The following ABCA9 variants were observed in gnomAD, a reference collection of about 807,000 sequenced individuals.
The protein encoded by ABCA9 is ATP-binding cassette sub-family A member 9.
ABCA9 carries 183 observed loss-of-function variants against 205.3 expected under a neutral mutation model. The ratio of observed to expected loss-of-function variants is 0.89; its 90% CI spans 0.79 to 1.01. The LOEUF is 1.01. Ranked by LOEUF, ABCA9 falls within the 50% of genes least tolerant of loss-of-function variation. The probability of loss-of-function intolerance (pLI) is 0.00; values close to 1 mark genes in which losing one functional copy is unlikely to be tolerated. For missense variants in ABCA9, 1,805 were observed against 1,912.4 expected, an observed-to-expected ratio of 0.94 and a Z score of 1.05; for synonymous variants, 651 against 683.3, an observed-to-expected ratio of 0.95 and a Z score of 0.74.
chr17:69,010,465 G>A (rs2070330940), intron 23 of ABCA9, among the ~76,000 whole-genome samples: 1 of 152,018 alleles, frequency 6.6e-6, no homozygotes, highest in Non-Finnish European at 1.5e-5. Context: ...GAGGAGGAGA[G>A]TACAAGGAGG....
In ABCA9 at chr17:68,975,886, T is replaced by C; in HGVS notation, c.*29A>G. 6.6e-7 allele frequency: 1 copy of C among 1,523,558 alleles called. No individual in the cohort carries two copies. The highest frequency in any genetic ancestry group is 9.1e-7 in the Non-Finnish European group (1 of 1,104,540). The allele number at this position is 1,523,558 out of a possible 1,614,324, so 94.4% of individuals were successfully genotyped here. ...TATTATCTTTAAAAGAGTCACAGGA[T>C]TAAAGAAAGATATAGGGTATTTGGA... On this transcript the variant is annotated 3_prime_UTR_variant, in exon 39 of 39. Coordinates refer to ENST00000340001, the MANE Select transcript of ABCA9 (RefSeq NM_080283.4).
intron 6 of ABCA9, among the ~76,000 whole-genome samples, chr17:69,039,435 G>A (rs892939429): frequency 1.3e-5 from 2 of 152,170 alleles, no homozygotes; most frequent in East Asian, 3.9e-4. Context: ...TGACAAACGT[G>A]ACAATAACAA....
chr17:69,017,655 C>A lies in ABCA9; in HGVS notation c.2901+1G>T. On this transcript the variant is annotated splice_donor_variant, in intron 21 of 38. Transcript: ENST00000340001. LOFTEE classifies it high-confidence loss of function. The stretch of plus-strand genomic sequence containing the variant: ...AATGCAGCAACTGGAGTCCAGCATA[C>A]CTTTTCATCACCTGACACAATGATA... 1 of 1,612,726 alleles carries A rather than the reference C, an allele frequency of 6.2e-7. No homozygotes were observed. The highest frequency in any genetic ancestry group is 1.1e-5 in the South Asian group (1 of 90,950).
At chr17:69,061,066 C>T (rs960595274), upstream of ABCA9, 2 of 985,304 alleles carry the variant, frequency 2.0e-6, no homozygotes, top group African/African-American at 1.7e-5. Flanking sequence ...ATATCTTCTG[C>T]TCACGTGGTG....
the ABCA9 span, among the ~76,000 whole-genome samples, chr17:69,068,315 GTTACT>G: frequency 6.6e-6 from 1 of 152,132 alleles, no homozygotes; most frequent in East Asian, 1.9e-4. Context: ...TATCAAGCCA[GTTACT>G]TTTCAATTTA....
Position 68,992,194 on chromosome 17 carries a change from T to C in ABCA9, c.3697A>G (p.Arg1233Gly). Residue 1233 changes from arginine to glycine, a missense_variant, in exon 28 of 39, where the codon AGA (arginine) becomes GGA (glycine). By Grantham distance (125) the Arg-to-Gly change is moderately radical. Transcript: ENST00000340001. ...LEMNCRKKLM[R>G]KDPVFRISPR... is the part of the protein sequence containing the mutation. ...CTCAACCTGAACACAGGATCCTTTCTCATTAGTTTCTTCCTGCAGTTCATT... is the reference window on the plus strand; with the variant it reads ...CTCAACCTGAACACAGGATCCTTTCCCATTAGTTTCTTCCTGCAGTTCATT... The C allele has an allele frequency of 6.3e-7, 1 of 1,594,664 alleles. No individual in the cohort carries two copies. Among genetic ancestry groups the C allele is most frequent in the South Asian group, 1.2e-5 (1 of 86,640 alleles).
chr17:69,066,703 CT>C, the ABCA9 span, among the ~76,000 whole-genome samples: 1 of 151,942 alleles, frequency 6.6e-6, no homozygotes, highest in African/African-American at 2.4e-5. Context: ...GATTTCCGTC[CT>C]CAGGGTTAAG....
At chr17:69,021,707 T>C in intron 18 of ABCA9, 35 bp downstream of exon 18, 1 of 1,350,542 alleles carries the variant, frequency 7.4e-7, no homozygotes, top group Non-Finnish European at 1.0e-6. Context: ...CTTTCTTTCT[T>C]TCTCCCTTTC....
At chr17:68,998,640 T>TA (rs953066339) in intron 25 of ABCA9, among the ~76,000 whole-genome samples, 2 of 152,010 alleles carry the variant, frequency 1.3e-5, no homozygotes, top group Non-Finnish European at 2.9e-5. Flanking sequence ...ATTTGCTACA[T>TA]AAAAAATATT....
chr17:69,054,982 T>A (rs1305127797), intron 1 of ABCA9, among the ~76,000 whole-genome samples: 1 of 151,694 alleles, frequency 6.6e-6, no homozygotes, highest in African/African-American at 2.4e-5. Flanking sequence ...ACAAAAAAAA[T>A]GAGTCTAAAT....
intron 35 of ABCA9, 96 bp from the exon 36 acceptor site, chr17:68,983,945 G>T: frequency 6.2e-7 from 1 of 1,601,954 alleles, no homozygotes; most frequent in Non-Finnish European, 8.5e-7. Context: ...GCCACATAGA[G>T]TTGGAAGCAA....
Position 69,032,187 on chromosome 17 carries a change from T to A in ABCA9, c.1366A>T (p.Asn456Tyr), listed in dbSNP as rs2071172814. 1 of 1,614,020 alleles carries A rather than the reference T, an allele frequency of 6.2e-7. No homozygotes were observed. Among genetic ancestry groups the A allele is most frequent in the Non-Finnish European group, 8.5e-7 (1 of 1,179,948 alleles). Residue 456 changes from asparagine (N) to tyrosine (Y), a missense_variant, in exon 10 of 39, where the codon AAT (asparagine) becomes TAT (tyrosine). Physicochemically the swap from Asn to Tyr is moderately radical, Grantham distance 143 (BLOSUM62 -2). Transcript: ENST00000340001. ...GGTGTAGGATCAGAATCTGTTTCAT[T>A]CTCAAGGACCACATGATTAGCCCTT... Reference protein sequence around the residue: ...HGRANHVVLENETDSDPTPND... With the variant: ...HGRANHVVLEYETDSDPTPND...
intron 23 of ABCA9, among the ~76,000 whole-genome samples, chr17:69,009,191 G>GTGAT (rs539413646): frequency 1.3e-5 from 2 of 152,176 alleles, no homozygotes; most frequent in Non-Finnish European, 2.9e-5. Context: ...AATAAATATA[G>GTGAT]TGATAGCTAC....
chr17:69,051,209 A>G, intron 1 of ABCA9, 70 bp from the exon 2 acceptor site: 2 of 1,410,602 alleles, frequency 1.4e-6, no homozygotes, highest in Non-Finnish European at 9.6e-7. Context: ...GCAATCAAAC[A>G]TAAAAGAAAC....
At chr17:69,019,732 G>GAA (rs2070751787) in intron 19 of ABCA9, 1 of 152,256 alleles carries the variant, frequency 6.6e-6, no homozygotes, top group South Asian at 2.1e-4. Flanking sequence ...TGATAAGGCT[G>GAA]AAGCTCTGGG....
intron 2 of ABCA9, 148 bp downstream of exon 2, chr17:69,050,883 C>A: frequency 1.7e-6 from 1 of 572,924 alleles, no homozygotes; most frequent in African/African-American, 2.0e-5. Context: ...GAACAAATAG[C>A]AAAGCCCAGA....
chr17:69,054,189 A>T (rs955630630), intron 1 of ABCA9, among the ~76,000 whole-genome samples: 4 of 152,116 alleles, frequency 2.6e-5, no homozygotes, highest in Non-Finnish European at 4.4e-5. Flanking sequence ...AAAATATGAA[A>T]AGAAGTTATT....
intron 31 of ABCA9, among the ~76,000 whole-genome samples, chr17:68,987,889 C>T (rs2069299150): frequency 6.6e-6 from 1 of 152,090 alleles, no homozygotes; most frequent in African/African-American, 2.4e-5. Context: ...CTCAGTCTCC[C>T]GAGGAGCTGG....
rs778671001 is a variant in ABCA9, at chr17:69,035,364, A to G, written c.1010T>C (p.Leu337Pro). The G allele has an allele frequency of 2.5e-6, 4 of 1,609,586 alleles. No homozygotes were observed. Among genetic ancestry groups the G allele is most frequent in the Non-Finnish European group, 3.4e-6 (4 of 1,177,702 alleles). The change falls in exon 8 of 39, where the codon CTC becomes CCC. Residue 337 changes from leucine (L) to proline (P), a missense_variant. Physicochemically the swap from Leu to Pro is moderately conservative, Grantham distance 98. Coordinates refer to ENST00000340001, the MANE Select transcript of ABCA9 (RefSeq NM_080283.4). The part of the protein sequence containing the change: ...KPFLTGLVVF[L>P]LIVFWGILGF... ...CAGGATCCCCCAAAAGACAATAAGG[A>G]GAAACACAACCAAGCCCGTAAGGAA...
Sources: allele counts gnomAD v4.1 joint callset (sites outside exome capture counted in the v4.1 genomes callset), GRCh38; gene constraint gnomAD v4.1.1; transcripts MANE v1.5; gene names NCBI Gene and HGNC (gene_info 2026-07-23, HGNC 2026-07-21).